The following LINGO2 variants were observed in gnomAD, a reference collection of about 807,000 sequenced individuals.
The protein encoded by LINGO2 is leucine rich repeat and Ig domain containing 2, also known as leucine-rich repeat and immunoglobulin-like domain-containing nogo receptor-interacting protein 2.
LINGO2 carries 14 observed loss-of-function variants against 30.6 expected under a neutral mutation model. The observed-to-expected ratio is 0.46, with a 90% confidence interval of 0.30 to 0.72. The LOEUF (loss-of-function observed/expected upper bound fraction) is 0.72. Among genes scored for constraint, LINGO2 ranks in the 30% least tolerant of loss-of-function variants. The pLI is 0.07. For synonymous variants in LINGO2, 317 were observed against 288.5 expected, an observed-to-expected ratio of 1.10 and a Z score of -1.00; for missense variants, 729 against 751.7, an observed-to-expected ratio of 0.97 and a Z score of 0.35.
intron 4 of LINGO2, among the ~76,000 whole-genome samples, chr9:28,177,997 T>C (rs949934064): frequency 2.6e-5 from 4 of 152,206 alleles, no homozygotes; most frequent in Admixed American, 2.6e-4. Context: ...TGTTTTGAAG[T>C]CATACATGAA....
chr9:28,970,847 G>C, the LINGO2 span, among the ~76,000 whole-genome samples: 1 of 152,134 alleles, frequency 6.6e-6, no homozygotes, highest in Non-Finnish European at 1.5e-5. Context: ...GTGATGAACT[G>C]GGCCCAGAGA....
At chr9:28,076,165 C>A (rs1825617233) in intron 4 of LINGO2, among the ~76,000 whole-genome samples, 1 of 152,098 alleles carries the variant, frequency 6.6e-6, no homozygotes, top group African/African-American at 2.4e-5. Context: ...ATTTTCTTCA[C>A]AAATTATATT....
intron 1 of LINGO2, among the ~76,000 whole-genome samples, chr9:28,544,071 C>G (rs189511690): frequency 6.6e-6 from 1 of 151,762 alleles, no homozygotes; most frequent in African/African-American, 2.4e-5. Flanking sequence ...GGCATGCTGG[C>G]GTCTACCTGT....
chr9:28,974,554 A>T, the LINGO2 span, among the ~76,000 whole-genome samples: 1 of 152,214 alleles, frequency 6.6e-6, no homozygotes, highest in Non-Finnish European at 1.5e-5. Flanking sequence ...TTGTTATTAA[A>T]GTAATGGGTT....
At chr9:28,979,439 T>C in the LINGO2 span, among the ~76,000 whole-genome samples, 1 of 152,004 alleles carries the variant, frequency 6.6e-6, no homozygotes, top group Non-Finnish European at 1.5e-5. Flanking sequence ...TCCACTTCAA[T>C]ATACACTCAT....
the LINGO2 span, among the ~76,000 whole-genome samples, chr9:28,728,334 T>C: frequency 7.0e-3 from 1,060 of 151,724 alleles, 16 homozygotes; most frequent in African/African-American, 0.025. Flanking sequence ...AATCCAAAAT[T>C]TAAATTTTTA....
chr9:28,325,048 T>C (rs182398453), intron 3 of LINGO2, among the ~76,000 whole-genome samples: 3 of 151,744 alleles, frequency 2.0e-5, no homozygotes, highest in African/African-American at 4.8e-5. Context: ...CAGGCTCACA[T>C]ACACTCCCTC....
At chr9:27,993,046 A>C (rs1197270238) in intron 5 of LINGO2, among the ~76,000 whole-genome samples, 3 of 152,152 alleles carry the variant, frequency 2.0e-5, no homozygotes, top group Admixed American at 6.6e-5. Flanking sequence ...TCTGGATAAA[A>C]ATCATTAATC....
chr9:28,462,581 A>C (rs1442823628), intron 2 of LINGO2, among the ~76,000 whole-genome samples: 1 of 152,010 alleles, frequency 6.6e-6, no homozygotes, highest in African/African-American at 2.4e-5. Flanking sequence ...ATTATTTTAC[A>C]GGGCTCCAAA....
chr9:28,391,434 C>G (rs142374478), intron 2 of LINGO2, among the ~76,000 whole-genome samples: 6 of 152,278 alleles, frequency 3.9e-5, no homozygotes, highest in African/African-American at 1.4e-4. Flanking sequence ...AGATTCAAAA[C>G]TTCAGTGCCT....
the LINGO2 span, among the ~76,000 whole-genome samples, chr9:28,923,163 C>G: frequency 6.6e-6 from 1 of 152,168 alleles, no homozygotes; most frequent in South Asian, 2.1e-4. Context: ...CCCGGGAAAA[C>G]TGATTTTCAG....
chr9:28,380,639 A>G (rs1821317234), intron 2 of LINGO2, among the ~76,000 whole-genome samples: 1 of 152,066 alleles, frequency 6.6e-6, no homozygotes, highest in Admixed American at 6.6e-5. Context: ...AGGTCATTCA[A>G]TGTCAAGCTT....
the LINGO2 span, among the ~76,000 whole-genome samples, chr9:29,161,985 T>C: frequency 6.6e-6 from 1 of 151,548 alleles, no homozygotes; most frequent in Non-Finnish European, 1.5e-5. Context: ...AGTGGCACAA[T>C]CTCGGCTTAC....
the LINGO2 span, among the ~76,000 whole-genome samples, chr9:29,042,498 T>A: frequency 0.041 from 6,268 of 152,066 alleles, 197 homozygotes; most frequent in Admixed American, 0.082. Flanking sequence ...TAACATGGAC[T>A]ACTACTCAAC....
Position 28,072,353 on chromosome 9 carries a change from A to G in LINGO2, c.-86-59948T>C, listed in dbSNP as rs117544890. Among the ~76,000 whole-genome samples, 744 of 152,356 alleles carry G rather than the reference A, an allele frequency of 4.9e-3. 4 individuals are homozygous for G. Among genetic ancestry groups the G allele is most frequent in the Non-Finnish European group, 6.9e-3 (467 of 68,032 alleles). ...CCAAGAGGTGACCATGCCAGGGAAT[A>G]TTAAGCAGAGTTTGCTCTTGTTTGT... is the stretch of plus-strand genomic sequence containing the variant. On this transcript the variant is annotated intron_variant, in intron 4 of 5. Transcript: ENST00000379992.
intron 4 of LINGO2, among the ~76,000 whole-genome samples, chr9:28,065,815 A>G (rs1825296371): frequency 6.6e-6 from 1 of 152,116 alleles, no homozygotes; most frequent in South Asian, 2.1e-4. Flanking sequence ...CATAATGAGA[A>G]TGAGAATGAT....
At chr9:28,505,379 G>C (rs1820067053) in intron 1 of LINGO2, among the ~76,000 whole-genome samples, 1 of 151,826 alleles carries the variant, frequency 6.6e-6, no homozygotes, top group South Asian at 2.1e-4. Context: ...CATTTAAGGG[G>C]TTAGACAAAT....
At position 28,372,151 on chromosome 9, in the gene LINGO2, A is replaced by C. The variant is rs575284807; in HGVS notation, c.-246+685T>G. ...AATATGAAAATGTTACATACTTCCA[A>C]CTTCACAATTTTGCTACAGATTGAA... is the stretch of plus-strand genomic sequence containing the variant. On this transcript the variant is annotated intron_variant, in intron 3 of 5. Coordinates refer to ENST00000379992, the Ensembl canonical transcript of LINGO2. Among the ~76,000 whole-genome samples the C allele has an allele frequency of 1.2e-4, 19 of 152,316 alleles. 1 individual carries two copies. The highest frequency in any genetic ancestry group is 2.4e-4 in the Non-Finnish European group (16 of 68,030).
At chr9:28,766,987 G>A in the LINGO2 span, among the ~76,000 whole-genome samples, 2 of 152,082 alleles carry the variant, frequency 1.3e-5, no homozygotes. Context: ...TACAGAATGT[G>A]TTACAGAAAA....
Sources: gnomAD v4.1 joint callset for allele counts (sites outside exome capture counted in the v4.1 genomes callset) on GRCh38, gnomAD v4.1.1 for gene constraint, MANE v1.5 for transcripts, NCBI Gene and HGNC (gene_info 2026-07-23, HGNC 2026-07-21) for gene names.